PRKAA2: variants seen among roughly 807,000 people sequenced by gnomAD.
The protein encoded by PRKAA2 is 5'-AMP-activated protein kinase catalytic subunit alpha-2.
In PRKAA2, 40 loss-of-function variants were observed where a neutral mutation model predicts 56.3. The observed-to-expected ratio is 0.71, with a 90% CI of 0.55 to 0.92. PRKAA2 has a LOEUF of 0.92. Among genes scored for constraint, PRKAA2 ranks in the 40% least tolerant of loss-of-function variants. The pLI is 0.00. For missense variants in PRKAA2, 542 were observed against 686.9 expected, an observed-to-expected ratio of 0.79 and a Z score of 2.36; for synonymous variants, 214 against 234.2, an observed-to-expected ratio of 0.91 and a Z score of 0.79.
chr1:56,664,993 A>G (rs1416265686), intron 1 of PRKAA2, among the ~76,000 whole-genome samples: 1 of 149,760 alleles, frequency 6.7e-6, no homozygotes, highest in Non-Finnish European at 1.5e-5. Flanking sequence ...TATCATAACT[A>G]CCTTTCCTCA....
intron 6 of PRKAA2, among the ~76,000 whole-genome samples, chr1:56,698,079 C>CTTTT (rs530647275): frequency 8.3e-6 from 1 of 121,104 alleles, no homozygotes; most frequent in Non-Finnish European, 1.7e-5. Flanking sequence ...TTTTTTAATT[C>CTTTT]TTTTTTTTTT....
chr1:56,645,552 C>T, intron 1 of PRKAA2, 71 bp downstream of exon 1: 6 of 1,346,734 alleles, frequency 4.5e-6, no homozygotes, highest in Non-Finnish European at 5.9e-6. Context: ...GAGGCGGGAG[C>T]CCCGGGCCTC....
chr1:56,674,116 G>T (rs944911201), intron 1 of PRKAA2, among the ~76,000 whole-genome samples: 1 of 152,152 alleles, frequency 6.6e-6, no homozygotes, highest in Non-Finnish European at 1.5e-5. Context: ...ATAGAATTCA[G>T]TAATCATTTT....
chr1:56,685,785 C>G (rs866455584), intron 2 of PRKAA2, among the ~76,000 whole-genome samples: 1 of 151,538 alleles, frequency 6.6e-6, no homozygotes, highest in African/African-American at 2.4e-5. Flanking sequence ...CAAAAGAATG[C>G]AAGAAAAAAA....
In PRKAA2 at chr1:56,706,233, C is replaced by T. The variant is rs751593361; in HGVS notation, c.1420+15C>T. 9 of 1,609,936 alleles carry T rather than the reference C, an allele frequency of 5.6e-6. No individual in the cohort carries two copies. The East Asian group carries it at 2.0e-4, about 36-fold the overall frequency. ...AAGCATTGATGGTAAGGAAGCTATG[C>T]ATGCATGAGCTCTGAGAAGATAAAA... On this transcript the variant is annotated intron_variant, in intron 8 of 8. Coordinates refer to ENST00000371244, the MANE Select transcript of PRKAA2 (RefSeq NM_006252.4).
At chr1:56,682,337 G>A (rs1408559853) in intron 2 of PRKAA2, among the ~76,000 whole-genome samples, 1 of 152,160 alleles carries the variant, frequency 6.6e-6, no homozygotes, top group African/African-American at 2.4e-5. Context: ...GGCTAATTTA[G>A]ATTAGGTATG....
At chr1:56,684,380 A>G (rs1001184772) in intron 2 of PRKAA2, among the ~76,000 whole-genome samples, 4 of 152,098 alleles carry the variant, frequency 2.6e-5, no homozygotes, top group South Asian at 2.1e-4. Flanking sequence ...CTAGAGAGAT[A>G]AATTTGGAAG....
At chr1:56,663,169 C>G (rs1644008361) in intron 1 of PRKAA2, among the ~76,000 whole-genome samples, 1 of 152,198 alleles carries the variant, frequency 6.6e-6, no homozygotes, top group African/African-American at 2.4e-5. Flanking sequence ...TCATAGCTCA[C>G]TGCAGCCTGG....
chr1:56,672,252 G>A (rs1644082601), intron 1 of PRKAA2, among the ~76,000 whole-genome samples: 1 of 151,954 alleles, frequency 6.6e-6, no homozygotes, highest in African/African-American at 2.4e-5. Flanking sequence ...TAAGTAGCTG[G>A]GACTATAGAC....
Position 56,665,801 on chromosome 1 carries a change from G to A in PRKAA2, c.95-8580G>A, listed in dbSNP as rs1481265466. 2.6e-5 allele frequency among the ~76,000 whole-genome samples: 4 copies of A among 152,028 alleles called. No individual in the cohort carries two copies. The East Asian group carries it at 7.7e-4, about 29-fold the overall frequency. ...CTTTTCTCTGATGACCCATGATATT[G>A]AGCACCTTTTCATGTTTATTGACTA... On this transcript the variant is annotated intron_variant, in intron 1 of 8. Coordinates refer to ENST00000371244, the MANE Select transcript of PRKAA2 (RefSeq NM_006252.4).
intron 6 of PRKAA2, among the ~76,000 whole-genome samples, chr1:56,698,079 CTTTT>C (rs530647275): frequency 2.5e-5 from 3 of 121,102 alleles, no homozygotes; most frequent in Non-Finnish European, 3.4e-5. Context: ...TTTTTTAATT[CTTTT>C]TTTTTTTTTT....
chr1:56,695,843 A>G (rs1311844560), intron 5 of PRKAA2, 92 bp from the exon 6 acceptor site: 33 of 1,065,388 alleles, frequency 3.1e-5, no homozygotes, highest in Non-Finnish European at 4.1e-5. Flanking sequence ...ATGAATATGT[A>G]CTGAATGTAG....
chr1:56,683,071 ATTTTTTTTTTTTTTTTTTTTTT>A (rs10606990), intron 2 of PRKAA2, among the ~76,000 whole-genome samples: 1 of 87,216 alleles, frequency 1.1e-5, no homozygotes, highest in Non-Finnish European at 2.2e-5. Flanking sequence ...AAAGAAAGGA[ATTTTTTTTTTTTTTTTTTTTTT>A]TTTTTTTTTG....
At chr1:56,665,463 G>A (rs1158683679) in intron 1 of PRKAA2, among the ~76,000 whole-genome samples, 3 of 152,146 alleles carry the variant, frequency 2.0e-5, no homozygotes, top group Non-Finnish European at 4.4e-5. Context: ...ACATAGATTA[G>A]CAGCATTGAA....
chr1:56,696,632 G>C (rs142827943), intron 6 of PRKAA2, among the ~76,000 whole-genome samples: 3 of 152,242 alleles, frequency 2.0e-5, no homozygotes, highest in African/African-American at 4.8e-5. Context: ...GGTATGCTTA[G>C]AAAGTGTCTG....
At chr1:56,652,856 G>T (rs1643913581) in intron 1 of PRKAA2, among the ~76,000 whole-genome samples, 1 of 152,178 alleles carries the variant, frequency 6.6e-6, no homozygotes, top group South Asian at 2.1e-4. Context: ...CACCAACATT[G>T]AGATAGAGCT....
chr1:56,714,548 T>C lies in PRKAA2; in HGVS notation c.*6835T>C, dbSNP rs999468785. On this transcript the variant is annotated 3_prime_UTR_variant, in exon 9 of 9. Coordinates refer to ENST00000371244, the MANE Select transcript of PRKAA2 (RefSeq NM_006252.4). ...TCTTGAGACCTCAAGTATTCAAATA[T>C]CAAACTTGTCCTGTGTTGTAACAAA... The C allele has an allele frequency of 1.3e-5, 2 of 152,192 alleles. No homozygotes were observed. The highest frequency in any genetic ancestry group is 2.9e-5 in the Non-Finnish European group (2 of 68,012). 9.4% of individuals were successfully genotyped at this position (152,192 alleles called of 1,614,324 possible). A position where few individuals can be genotyped will look rare whatever the true frequency, so the allele number is the denominator to read the frequency against.
chr1:56,663,147 G>C (rs558109792), intron 1 of PRKAA2, among the ~76,000 whole-genome samples: 68 of 152,270 alleles, frequency 4.5e-4, no homozygotes, highest in African/African-American at 1.6e-3. Flanking sequence ...AGGCTGGAGG[G>C]CAGTGGCGCA....
intron 1 of PRKAA2, among the ~76,000 whole-genome samples, chr1:56,660,904 C>A (rs997801564): frequency 6.6e-6 from 1 of 152,008 alleles, no homozygotes; most frequent in African/African-American, 2.4e-5. Flanking sequence ...GAGAACCATC[C>A]TTTAGAGAAC....
Sources: gnomAD v4.1 joint callset for allele counts (sites outside exome capture counted in the v4.1 genomes callset) on GRCh38, gnomAD v4.1.1 for gene constraint, MANE v1.5 for transcripts, NCBI Gene and HGNC (gene_info 2026-07-23, HGNC 2026-07-21) for gene names.